The following HDX variants were observed in gnomAD, a reference collection of about 807,000 sequenced individuals.
HDX encodes highly divergent homeobox.
HDX carries 19 observed loss-of-function variants against 45.2 expected under a neutral mutation model. The observed-to-expected ratio is 0.42, with a 90% CI of 0.29 to 0.62. HDX has a LOEUF of 0.62. HDX is among the 20% of genes least tolerant of loss of function. The pLI is 0.20. For synonymous variants in HDX, 188 were observed against 172.8 expected (o/e 1.09, Z -0.69); for missense variants, 532 against 493.9 (o/e 1.08, Z -0.73).
chrX:84,363,447 C>T (rs764339868), intron 5 of HDX, among the ~76,000 whole-genome samples: 6 of 111,966 alleles, frequency 5.4e-5, no homozygotes, highest in Non-Finnish European at 5.6e-5. Flanking sequence ...ATGAATACAA[C>T]GCTGATCACA....
chrX:84,499,243 A>G (rs994491362), intron 1 of HDX, among the ~76,000 whole-genome samples: 1 of 111,672 alleles, frequency 9.0e-6, no homozygotes, highest in Admixed American at 9.6e-5. Context: ...GCTTATCACT[A>G]TAAAATCTCT....
At chrX:84,407,962 T>A (rs775297726) in intron 5 of HDX, among the ~76,000 whole-genome samples, 1 of 111,736 alleles carries the variant, frequency 8.9e-6, no homozygotes, top group Non-Finnish European at 1.9e-5. Context: ...AGATGCATAG[T>A]TTGAAAATAT....
chrX:84,463,161 A>T (rs2040275655), intron 4 of HDX, among the ~76,000 whole-genome samples: 1 of 110,905 alleles, frequency 9.0e-6, no homozygotes, highest in African/African-American at 3.3e-5. Context: ...TGTGAATTTT[A>T]TATTATGTAA....
intron 4 of HDX, among the ~76,000 whole-genome samples, chrX:84,452,056 ACAT>A (rs1394736322): frequency 9.0e-6 from 1 of 111,494 alleles, no homozygotes; most frequent in East Asian, 2.8e-4. Flanking sequence ...CCAACAACTA[ACAT>A]CATACTGAAT....
chrX:84,400,432 C>T (rs1047695362), intron 5 of HDX, among the ~76,000 whole-genome samples: 1 of 107,563 alleles, frequency 9.3e-6, no homozygotes. Context: ...AGAGGCAAAT[C>T]GTAACAAACT....
intron 4 of HDX, among the ~76,000 whole-genome samples, chrX:84,462,275 A>C (rs1297980731): frequency 8.9e-6 from 1 of 112,366 alleles, no homozygotes; most frequent in Non-Finnish European, 1.9e-5. Flanking sequence ...CTAAGTGTCC[A>C]TCAACAGGTG....
At chrX:84,396,210 A>T (rs779408043) in intron 5 of HDX, among the ~76,000 whole-genome samples, 12 of 112,379 alleles carry the variant, frequency 1.1e-4, no homozygotes, top group Non-Finnish European at 1.9e-4. Context: ...TTGTTTTCAT[A>T]GGGGAAGACA....
At position 84,447,093 on chromosome X, in the gene HDX, G is replaced by A. The variant is rs375348083; in HGVS notation, c.1252-6508C>T. Reference sequence around the variant, plus strand: ...GAGACTGAAGACCCATGGACCCTTGGGGAAAGAGATTACTAATTGAGGAAT... The same window carrying A: ...GAGACTGAAGACCCATGGACCCTTGAGGAAAGAGATTACTAATTGAGGAAT... On this transcript the variant is annotated intron_variant, in intron 4 of 10. Coordinates refer to ENST00000373177, the MANE Select transcript of HDX (RefSeq NM_001177479.2). 4.5e-5 allele frequency among the ~76,000 whole-genome samples: 5 copies of A among 111,556 alleles called. No individual in the cohort carries two copies. In the East Asian group the frequency reaches 1.4e-3, roughly 32 times the overall value.
intron 8 of HDX, among the ~76,000 whole-genome samples, chrX:84,336,452 T>G (rs759798782): frequency 3.2e-4 from 36 of 111,340 alleles, no homozygotes; most frequent in African/African-American, 1.1e-3. Flanking sequence ...CACGATCTCA[T>G]GCTAAACTCT....
intron 9 of HDX, among the ~76,000 whole-genome samples, chrX:84,331,927 T>G (rs1347342942): frequency 1.8e-5 from 2 of 111,564 alleles, no homozygotes; most frequent in East Asian, 5.7e-4. Context: ...ATGACAAAAT[T>G]GCCTAACAAT....
intron 5 of HDX, among the ~76,000 whole-genome samples, chrX:84,432,105 G>A (rs1344405997): frequency 1.8e-5 from 2 of 110,522 alleles, no homozygotes; most frequent in South Asian, 7.8e-4. Flanking sequence ...TTTTTCTCAT[G>A]GCTTGTTTTT....
At chrX:84,480,110 AG>A (rs956460769) in intron 2 of HDX, among the ~76,000 whole-genome samples, 1 of 111,449 alleles carries the variant, frequency 9.0e-6, no homozygotes, top group East Asian at 2.8e-4. Flanking sequence ...TTTCTGTTTT[AG>A]GGGGGTTATT....
Position 84,397,876 on chromosome X carries a change from T to C in HDX, c.1306-36264A>G, listed in dbSNP as rs747747542. ...CTAAAATGTGGATAAATGTTATTGA[T>C]TGAAGCAGACAAATGTAGAACCTGA... On this transcript the variant is annotated intron_variant, in intron 5 of 10. Coordinates refer to ENST00000373177, the MANE Select transcript of HDX (RefSeq NM_001177479.2). Among the ~76,000 whole-genome samples the C allele has an allele frequency of 5.7e-4, 63 of 111,399 alleles. 1 individual carries two copies. Among genetic ancestry groups the C allele is most frequent in the Middle Eastern group, 9.2e-3 (2 of 217 alleles).
intron 5 of HDX, among the ~76,000 whole-genome samples, chrX:84,407,724 T>C (rs915179773): frequency 2.7e-5 from 3 of 111,835 alleles, no homozygotes; most frequent in African/African-American, 6.5e-5. Flanking sequence ...GACTTTTTAA[T>C]AGTAGCCATT....
chrX:84,473,203 T>G (rs2040484900), intron 3 of HDX, among the ~76,000 whole-genome samples: 1 of 108,869 alleles, frequency 9.2e-6, no homozygotes, highest in African/African-American at 3.3e-5. Flanking sequence ...TGTTTTAACT[T>G]TTTAAGTTTT....
chrX:84,405,869 A>G (rs2038808002), intron 5 of HDX, among the ~76,000 whole-genome samples: 1 of 110,458 alleles, frequency 9.1e-6, no homozygotes, highest in African/African-American at 3.3e-5. Flanking sequence ...GCACTTTCAA[A>G]TTTATATCAT....
chrX:84,426,326 G>A (rs1489397532), intron 5 of HDX, among the ~76,000 whole-genome samples: 2 of 110,312 alleles, frequency 1.8e-5, no homozygotes, highest in African/African-American at 3.3e-5. Flanking sequence ...TATACTTAAA[G>A]GAAATGAAAT....
intron 5 of HDX, among the ~76,000 whole-genome samples, chrX:84,386,600 A>C (rs1267334217): frequency 9.0e-6 from 1 of 111,660 alleles, no homozygotes; most frequent in Non-Finnish European, 1.9e-5. Flanking sequence ...TGTTTACAGG[A>C]ATTTATCTAT....
chrX:84,323,536 A>T (rs990730226), intron 10 of HDX, among the ~76,000 whole-genome samples: 10 of 111,642 alleles, frequency 9.0e-5, no homozygotes, highest in African/African-American at 3.2e-4. Context: ...CTAATTTCTA[A>T]TTTCTAGTGG....
Sources: allele counts gnomAD v4.1 joint callset (sites outside exome capture counted in the v4.1 genomes callset), GRCh38; gene constraint gnomAD v4.1.1; transcripts MANE v1.5; gene names NCBI Gene and HGNC (gene_info 2026-07-23, HGNC 2026-07-21).